C9: variants seen among roughly 807,000 people sequenced by gnomAD.
C9 encodes the protein complement component C9.
Under a neutral mutation model 65.4 loss-of-function variants are expected in C9, and 63 were observed. The ratio of observed to expected loss-of-function variants is 0.96; its 90% CI spans 0.79 to 1.19. The LOEUF (loss-of-function observed/expected upper bound fraction) is 1.19, where lower values mean the gene tolerates loss of function less well. Ranked by LOEUF, C9 falls within the 50% of genes most tolerant of loss-of-function variation. C9 has a pLI of 0.00. For synonymous variants in C9, 229 were observed against 227.9 expected (o/e 1.00, Z -0.04); for missense variants, 744 against 670.1 (o/e 1.11, Z -1.22).
At chr5:39,286,571 A>T (rs1053050480) in intron 10 of C9, among the ~76,000 whole-genome samples, 1 of 152,030 alleles carries the variant, frequency 6.6e-6, no homozygotes, top group Non-Finnish European at 1.5e-5. Flanking sequence ...AAATGGATCG[A>T]CTATACAAAG....
At chr5:39,319,050 C>A (rs1475300235) in intron 5 of C9, among the ~76,000 whole-genome samples, 1 of 152,018 alleles carries the variant, frequency 6.6e-6, no homozygotes, top group Non-Finnish European at 1.5e-5. Flanking sequence ...CTCTTTCCCC[C>A]CAACCCTCCC....
At chr5:39,361,071 A>G (rs1360929330) in intron 1 of C9, among the ~76,000 whole-genome samples, 1 of 152,154 alleles carries the variant, frequency 6.6e-6, no homozygotes, top group East Asian at 1.9e-4. Context: ...AAGTTCCCAC[A>G]TATTGACTCA....
intron 10 of C9, among the ~76,000 whole-genome samples, chr5:39,288,385 T>C (rs1158307455): frequency 6.6e-6 from 1 of 151,868 alleles, no homozygotes; most frequent in Non-Finnish European, 1.5e-5. Flanking sequence ...GCAAAGTGTA[T>C]ATGATATATA....
At chr5:39,333,663 C>T (rs570618019) in intron 4 of C9, among the ~76,000 whole-genome samples, 21 of 99,990 alleles carry the variant, frequency 2.1e-4, no homozygotes, top group African/African-American at 3.4e-4. Context: ...TCATGCCGAG[C>T]GGCAGCTGGA....
At chr5:39,314,024 T>G (rs1347187294) in intron 6 of C9, among the ~76,000 whole-genome samples, 1 of 152,174 alleles carries the variant, frequency 6.6e-6, no homozygotes, top group Admixed American at 6.5e-5. Context: ...TACCATCATG[T>G]CTCACCTGGA....
intron 5 of C9, among the ~76,000 whole-genome samples, chr5:39,328,608 T>G (rs368865023): frequency 6.6e-6 from 1 of 152,106 alleles, no homozygotes; most frequent in Non-Finnish European, 1.5e-5. Flanking sequence ...GTAGTCAAAA[T>G]GGATCTAGCT....
chr5:39,313,117 A>C (rs1032848864), intron 6 of C9, among the ~76,000 whole-genome samples: 1 of 152,116 alleles, frequency 6.6e-6, no homozygotes, highest in African/African-American at 2.4e-5. Flanking sequence ...TTATCATCCA[A>C]ATATGCAGTT....
At chr5:39,364,292 G>A (rs562465107) in intron 1 of C9, 96 bp downstream of exon 1, 1 of 752,344 alleles carries the variant, frequency 1.3e-6, no homozygotes, top group South Asian at 1.4e-5. Flanking sequence ...ATTGCCATGT[G>A]GATTAACATT....
intron 4 of C9, among the ~76,000 whole-genome samples, chr5:39,337,540 G>A (rs1307711641): frequency 6.6e-6 from 1 of 152,262 alleles, no homozygotes; most frequent in Non-Finnish European, 1.5e-5. Flanking sequence ...CTTTGGCAGT[G>A]CTTATAGATG....
At chr5:39,307,282 A>G (rs982659873) in intron 8 of C9, among the ~76,000 whole-genome samples, 2 of 152,196 alleles carry the variant, frequency 1.3e-5, no homozygotes, top group African/African-American at 4.8e-5. Flanking sequence ...CTCTCTGTAG[A>G]TGAAGCCACT....
rs567380959 is a variant in C9 at position 39,290,566 on chromosome 5, A to T, written c.1417-1615T>A. On this transcript the variant is annotated intron_variant, in intron 9 of 10. Coordinates refer to ENST00000263408, the MANE Select transcript of C9 (RefSeq NM_001737.5). Reference sequence around the variant, plus strand: ...ATAATGTGGACTCATCTTTTCCCTAAGGACAATGAGGAAAGCTAAACAAAA... The same window carrying T: ...ATAATGTGGACTCATCTTTTCCCTATGGACAATGAGGAAAGCTAAACAAAA... Among the ~76,000 whole-genome samples, 14 of 152,048 alleles carry T rather than the reference A, an allele frequency of 9.2e-5. No homozygotes were observed. The South Asian group carries it at 2.9e-3, about 31-fold the overall frequency.
chr5:39,305,581 A>G (rs1310000006), intron 9 of C9, among the ~76,000 whole-genome samples: 1 of 152,160 alleles, frequency 6.6e-6, no homozygotes, highest in Non-Finnish European at 1.5e-5. Flanking sequence ...AAGTAGAAAA[A>G]AAGCACTTAC....
In C9 at chr5:39,285,151, G is replaced by T. The variant is rs762644102; in HGVS notation, c.*48C>A. The T allele has an allele frequency of 3.4e-6, 5 of 1,490,630 alleles. No individual in the cohort carries two copies. The highest frequency in any genetic ancestry group is 3.7e-6 in the Non-Finnish European group (4 of 1,067,558). The allele number at this position is 1,490,630 out of a possible 1,614,324, so 92.3% of individuals were successfully genotyped here. A position where few individuals can be genotyped will look rare whatever the true frequency, so the allele number is the denominator to read the frequency against. On this transcript the variant is annotated 3_prime_UTR_variant, in exon 11 of 11. Coordinates refer to ENST00000263408, the MANE Select transcript of C9 (RefSeq NM_001737.5). Reference sequence around the variant, plus strand: ...ATTATCTTCAGGGGTAGGATCTGAAGGTACTAGTGTTTTCTTCTTCCACTG... The same window carrying T: ...ATTATCTTCAGGGGTAGGATCTGAATGTACTAGTGTTTTCTTCTTCCACTG...
chr5:39,356,045 G>A (rs1240460843), intron 1 of C9, among the ~76,000 whole-genome samples: 1 of 152,100 alleles, frequency 6.6e-6, no homozygotes, highest in Non-Finnish European at 1.5e-5. Context: ...AGGATGGGGG[G>A]AGATCAGCCC....
chr5:39,334,336 C>T lies in C9; in HGVS notation c.477-2522G>A, dbSNP rs536660964. On this transcript the variant is annotated intron_variant, in intron 4 of 10. Coordinates refer to ENST00000263408, the MANE Select transcript of C9 (RefSeq NM_001737.5). Reference sequence around the variant, plus strand: ...CTGGGAGGAGAGGAGCGTCTCTGCCCGGCCGCCCCATCTGAGAAGTGAGGA... The same window carrying T: ...CTGGGAGGAGAGGAGCGTCTCTGCCTGGCCGCCCCATCTGAGAAGTGAGGA... Among the ~76,000 whole-genome samples the T allele has an allele frequency of 4.9e-4, 74 of 150,106 alleles. 2 individuals are homozygous for T. The South Asian group carries it at 0.014, about 27-fold the overall frequency.
At chr5:39,327,693 G>C (rs1435763094) in intron 5 of C9, among the ~76,000 whole-genome samples, 3 of 152,264 alleles carry the variant, frequency 2.0e-5, no homozygotes, top group East Asian at 3.9e-4. Context: ...AGAGATGTGG[G>C]CTGGAAATAT....
intron 9 of C9, among the ~76,000 whole-genome samples, chr5:39,296,071 A>T (rs1449035959): frequency 6.6e-6 from 1 of 151,766 alleles, no homozygotes; most frequent in Non-Finnish European, 1.5e-5. Context: ...AAAACTATAA[A>T]ACTACTGGAA....
In C9 at chr5:39,346,754, T is replaced by C. The variant is rs551927929; in HGVS notation, c.78-4558A>G. On this transcript the variant is annotated intron_variant, in intron 1 of 10. Transcript: ENST00000263408. ...TTTAGACCAATATCTCTGATGAACA[T>C]TGATGCAAAAATCCTCAATAAAATA... is the stretch of plus-strand genomic sequence containing the variant. Among the ~76,000 whole-genome samples, 60 of 152,326 alleles carry C rather than the reference T, an allele frequency of 3.9e-4. No homozygotes were observed. The Middle Eastern group carries it at 0.017, about 43-fold the overall frequency.
intron 9 of C9, among the ~76,000 whole-genome samples, chr5:39,293,194 A>G (rs429319): frequency 0.95 from 144,272 of 152,022 alleles, 68,910 homozygotes; most frequent in East Asian, 1. Flanking sequence ...AAAAGACAGG[A>G]ATAAGTCCTC....
Sources: gnomAD v4.1 joint callset for allele counts (sites outside exome capture counted in the v4.1 genomes callset) on GRCh38, gnomAD v4.1.1 for gene constraint, MANE v1.5 for transcripts, NCBI Gene and HGNC (gene_info 2026-07-23, HGNC 2026-07-21) for gene names.